MYRFL: variants seen among roughly 807,000 people sequenced by gnomAD.
The protein encoded by MYRFL is myelin regulatory factor like, also known as myelin regulatory factor-like protein.
A neutral mutation model predicts 109.4 loss-of-function variants in MYRFL; 88 were observed. The ratio of observed to expected loss-of-function variants is 0.80; its 90% CI spans 0.68 to 0.96. The LOEUF (loss-of-function observed/expected upper bound fraction) is 0.96. Ranked by LOEUF, MYRFL falls within the 40% of genes least tolerant of loss-of-function variation. The pLI, the probability that MYRFL is intolerant of heterozygous loss-of-function variation, is 0.00. For synonymous variants in MYRFL, 324 were observed against 320.9 expected (o/e 1.01, Z -0.10); for missense variants, 957 against 954.9 (o/e 1.00, Z -0.03).
intron 1 of MYRFL, among the ~76,000 whole-genome samples, chr12:69,842,278 A>G (rs543070545): frequency 4.6e-5 from 7 of 152,106 alleles, no homozygotes; most frequent in Non-Finnish European, 1.0e-4. Flanking sequence ...AGAATTATAA[A>G]CCTAATCACA....
chr12:69,876,592 C>G (rs751815965), intron 2 of MYRFL, among the ~76,000 whole-genome samples: 7 of 151,946 alleles, frequency 4.6e-5, no homozygotes, highest in Non-Finnish European at 1.0e-4. Context: ...ATTGTTTGTT[C>G]GTGTTTAAAA....
In MYRFL at chr12:69,893,847, A is replaced by T; in HGVS notation, c.980+7A>T. The T allele has an allele frequency of 7.5e-7, 1 of 1,324,794 alleles. No individual in the cohort carries two copies. Among genetic ancestry groups the T allele is most frequent in the Non-Finnish European group, 9.7e-7 (1 of 1,030,918 alleles). 82.1% of individuals were successfully genotyped at this position (1,324,794 alleles called of 1,614,324 possible). A position where few individuals can be genotyped will look rare whatever the true frequency, so the allele number is the denominator to read the frequency against. On this transcript the variant is annotated splice_region_variant and intron_variant, in intron 8 of 24. Coordinates refer to ENST00000552032, the MANE Select transcript of MYRFL (RefSeq NM_182530.3). ...AGATTTTCAATCCTGTTAAGTAAGA[A>T]TTTATTTTCTGAATTCCTTTGTGAA...
At chr12:69,842,957 AAC>A (rs1883329827) in intron 1 of MYRFL, among the ~76,000 whole-genome samples, 1 of 152,230 alleles carries the variant, frequency 6.6e-6, no homozygotes, top group African/African-American at 2.4e-5. Context: ...ACACAGAATG[AAC>A]ACTAAGTAAA....
In MYRFL at chr12:69,825,288, ATT is replaced by A; in HGVS notation, c.-223_-222del. The stretch of plus-strand genomic sequence containing the variant: ...TTTGCTACCTCTTCCCTCTTCATGA[ATT>A]TTTTTTAAATGTATGGTTGTATATC... On this transcript the variant is annotated 5_prime_UTR_variant, in exon 1 of 25. An upstream open reading frame in the 5' UTR loses its in-frame stop. Coordinates refer to ENST00000552032, the MANE Select transcript of MYRFL (RefSeq NM_182530.3). The A allele has an allele frequency of 1.5e-6, 1 of 674,878 alleles. No individual in the cohort carries two copies. The allele number at this position is 674,878 out of a possible 1,614,324, so 41.8% of individuals were successfully genotyped here. A position where few individuals can be genotyped will look rare whatever the true frequency, so the allele number is the denominator to read the frequency against.
In MYRFL at chr12:69,946,074, C is replaced by A. The variant is rs567718677; in HGVS notation, c.2225-6039C>A. Among the ~76,000 whole-genome samples the A allele has an allele frequency of 3.5e-5, 5 of 142,760 alleles. No individual in the cohort carries two copies. In the East Asian group the frequency reaches 8.8e-4, roughly 25 times the overall value. The allele number at this position is 142,760 out of a possible 152,430, so 93.7% of individuals were successfully genotyped here. On this transcript the variant is annotated intron_variant, in intron 19 of 24. Coordinates refer to ENST00000552032, the MANE Select transcript of MYRFL (RefSeq NM_182530.3). ...CATGTCCATAAGATTATATACAATT[C>A]TTCCAAATGTATACTAATTTATTAT...
intron 1 of MYRFL, among the ~76,000 whole-genome samples, chr12:69,845,881 T>C (rs888129681): frequency 6.6e-5 from 10 of 151,212 alleles, no homozygotes; most frequent in African/African-American, 2.4e-4. Context: ...GAACAAAGTA[T>C]ACCTCACAGA....
chr12:69,927,036 C>T (rs908870120), intron 14 of MYRFL, among the ~76,000 whole-genome samples: 1 of 142,082 alleles, frequency 7.0e-6, no homozygotes, highest in Non-Finnish European at 1.5e-5. Flanking sequence ...CCTCCTTCTC[C>T]CAGATTCAAG....
intron 19 of MYRFL, among the ~76,000 whole-genome samples, chr12:69,951,901 A>T (rs186572200): frequency 1.3e-5 from 2 of 152,328 alleles, no homozygotes; most frequent in East Asian, 3.9e-4. Flanking sequence ...TGGGAAGGGG[A>T]CCCAATTTAG....
intron 1 of MYRFL, among the ~76,000 whole-genome samples, chr12:69,839,055 G>A (rs1883103401): frequency 6.6e-6 from 1 of 152,100 alleles, no homozygotes; most frequent in Non-Finnish European, 1.5e-5. Context: ...AAGCAATGAA[G>A]GATGGATTCA....
intron 13 of MYRFL, among the ~76,000 whole-genome samples, chr12:69,925,118 C>T (rs960926850): frequency 1.3e-5 from 2 of 152,160 alleles, no homozygotes; most frequent in Non-Finnish European, 2.9e-5. Flanking sequence ...GTGAGGGATG[C>T]TCTCTGACTA....
intron 19 of MYRFL, among the ~76,000 whole-genome samples, chr12:69,945,986 CAAAAAAAAAAAA>C (rs56988555): frequency 2.4e-5 from 1 of 42,328 alleles, no homozygotes; most frequent in African/African-American, 9.1e-5. Context: ...GACTCCGTCT[CAAAAAAAAAAAA>C]AAAAAAAAAA....
intron 1 of MYRFL, among the ~76,000 whole-genome samples, chr12:69,833,898 T>C (rs985924536): frequency 5.3e-5 from 8 of 151,362 alleles, no homozygotes; most frequent in African/African-American, 1.5e-4. Flanking sequence ...GTTGGCACTT[T>C]ACTGCCATCT....
chr12:69,910,983 C>A (rs74101388), intron 13 of MYRFL, 53 bp downstream of exon 13: 2 of 1,283,874 alleles, frequency 1.6e-6, no homozygotes, highest in Non-Finnish European at 2.2e-6. Flanking sequence ...AGGGATAAAC[C>A]CCCTTCTGTG....
chr12:69,877,031 T>TTCTTTCTTTCTTTCTTTCTTTC (rs1565988332), intron 2 of MYRFL, among the ~76,000 whole-genome samples: 65 of 32,470 alleles, frequency 2.0e-3, no homozygotes, highest in African/African-American at 5.3e-3. Context: ...TTCTTTTTTT[T>TTCTTTCTTTCTTTCTTTCTTTC]TTTTTTTTTT....
intron 1 of MYRFL, among the ~76,000 whole-genome samples, chr12:69,841,949 A>G (rs146363844): frequency 6.6e-6 from 1 of 152,190 alleles, no homozygotes; most frequent in South Asian, 2.1e-4. Flanking sequence ...AGATGCTTGT[A>G]TTAGCCTCAT....
chr12:69,847,691 G>T (rs528160334), intron 1 of MYRFL, among the ~76,000 whole-genome samples: 1 of 151,920 alleles, frequency 6.6e-6, no homozygotes, highest in Non-Finnish European at 1.5e-5. Context: ...AAAGAAAAAA[G>T]CTTTAGTACT....
chr12:69,891,166 G>T lies in MYRFL; in HGVS notation c.903G>T (p.Lys301Asn), dbSNP rs1485991443. ...TTTACTTGAAAGTTTTTGGCACTAA[G>T]GTATGTCTTTTATTTAGTTCAGTTT... ...EMFYLKVFGT[K>N]VEATNQIIAI... Residue 301 changes from lysine (K) to asparagine (N), a missense_variant and splice_region_variant, in exon 7 of 25, where the codon AAG (lysine) becomes AAT (asparagine). By Grantham distance (94) the Lys-to-Asn change is moderately conservative. Coordinates refer to ENST00000552032, the MANE Select transcript of MYRFL (RefSeq NM_182530.3). The T allele has an allele frequency of 1.3e-6, 2 of 1,508,456 alleles. No individual in the cohort carries two copies. Among genetic ancestry groups the T allele is most frequent in the Non-Finnish European group, 1.8e-6 (2 of 1,134,500 alleles). The allele number at this position is 1,508,456 out of a possible 1,614,324, so 93.4% of individuals were successfully genotyped here. A position where few individuals can be genotyped will look rare whatever the true frequency, so the allele number is the denominator to read the frequency against.
chr12:69,916,805 G>A (rs1954743249), intron 13 of MYRFL, among the ~76,000 whole-genome samples: 1 of 151,962 alleles, frequency 6.6e-6, no homozygotes, highest in Non-Finnish European at 1.5e-5. Flanking sequence ...AAATAAGTAA[G>A]GTCATTTATA....
In MYRFL at chr12:69,895,495, T is replaced by C; in HGVS notation, c.1091+14T>C. 6.5e-7 allele frequency: 1 copy of C among 1,530,718 alleles called. No homozygotes were observed. Among genetic ancestry groups the C allele is most frequent in the Non-Finnish European group, 8.8e-7 (1 of 1,142,114 alleles). The allele number at this position is 1,530,718 out of a possible 1,614,324, so 94.8% of individuals were successfully genotyped here. ...TCCAGACCAGAGGTACTGATGTCACTGTGTGCATGGCAGTGTGGCTGGGTA... is the reference window on the plus strand; with the variant it reads ...TCCAGACCAGAGGTACTGATGTCACCGTGTGCATGGCAGTGTGGCTGGGTA... On this transcript the variant is annotated intron_variant, in intron 9 of 24. Coordinates refer to ENST00000552032, the MANE Select transcript of MYRFL (RefSeq NM_182530.3).
Sources: gnomAD v4.1 joint callset for allele counts (sites outside exome capture counted in the v4.1 genomes callset) on GRCh38, gnomAD v4.1.1 for gene constraint, MANE v1.5 for transcripts, NCBI Gene and HGNC (gene_info 2026-07-23, HGNC 2026-07-21) for gene names.